COG2: variants seen among roughly 807,000 people sequenced by gnomAD.
COG2 encodes conserved oligomeric Golgi complex subunit 2.
Under a neutral mutation model 90.6 loss-of-function variants are expected in COG2, and 52 were observed. The ratio of observed to expected loss-of-function variants is 0.57; its 90% CI spans 0.46 to 0.72. The LOEUF is 0.72. Ranked by LOEUF, COG2 falls within the 30% of genes least tolerant of loss-of-function variation. COG2 has a pLI of 0.00. For synonymous variants in COG2, 337 were observed against 320.4 expected (o/e 1.05, Z -0.55); for missense variants, 829 against 891.2 (o/e 0.93, Z 0.89).
chr1:230,683,675 T>G (rs1553311528), intron 11 of COG2, 40 bp downstream of exon 11: 1 of 1,367,156 alleles, frequency 7.3e-7, no homozygotes, highest in Non-Finnish European at 1.0e-6. Flanking sequence ...GTATCCTAAA[T>G]GAGTTCATTC....
intron 1 of COG2, among the ~76,000 whole-genome samples, chr1:230,643,626 ATT>A (rs1661684046): frequency 6.6e-6 from 1 of 151,848 alleles, no homozygotes; most frequent in African/African-American, 2.4e-5. Context: ...TTTTGATAAT[ATT>A]TGCATTCAGA....
At chr1:230,686,677 G>A (rs761301398) in intron 12 of COG2, among the ~76,000 whole-genome samples, 1 of 151,932 alleles carries the variant, frequency 6.6e-6, no homozygotes, top group Non-Finnish European at 1.5e-5. Context: ...TATTTTTCAC[G>A]TTATTTTTAT....
At chr1:230,654,229 A>G (rs2102745370) in intron 1 of COG2, among the ~76,000 whole-genome samples, 1 of 152,320 alleles carries the variant, frequency 6.6e-6, no homozygotes, top group Non-Finnish European at 1.5e-5. Flanking sequence ...GTTTTCTTAT[A>G]GGATTTTTAT....
chr1:230,653,624 A>G (rs1356359332), intron 1 of COG2, among the ~76,000 whole-genome samples: 1 of 152,172 alleles, frequency 6.6e-6, no homozygotes, highest in East Asian at 1.9e-4. Context: ...AAAACACTCC[A>G]TATTAGTGGG....
intron 1 of COG2, among the ~76,000 whole-genome samples, chr1:230,646,303 G>A (rs1661775119): frequency 6.6e-6 from 1 of 152,106 alleles, no homozygotes; most frequent in African/African-American, 2.4e-5. Context: ...TAACTAGATG[G>A]AAGTCGATCC....
intron 10 of COG2, chr1:230,683,179 C>G (rs1662796515): frequency 6.2e-6 from 1 of 160,646 alleles, no homozygotes; most frequent in Non-Finnish European, 1.4e-5. Context: ...GGACGTTTAC[C>G]TTCCTGTGAT....
At chr1:230,685,611 A>T (rs1347089678) in intron 12 of COG2, among the ~76,000 whole-genome samples, 1 of 152,230 alleles carries the variant, frequency 6.6e-6, no homozygotes, top group Non-Finnish European at 1.5e-5. Flanking sequence ...TTTAATACTT[A>T]ATATTTGGAA....
chr1:230,679,576 T>A (rs1220150125), intron 10 of COG2: 1 of 152,374 alleles, frequency 6.6e-6, no homozygotes, highest in Non-Finnish European at 1.5e-5. Flanking sequence ...ATCGTCTTTG[T>A]GACATTTGTA....
At chr1:230,644,311 G>T (rs1164292748) in intron 1 of COG2, among the ~76,000 whole-genome samples, 2 of 152,160 alleles carry the variant, frequency 1.3e-5, no homozygotes, top group East Asian at 1.9e-4. Flanking sequence ...AAATTTTGTT[G>T]ATTTTTTAGG....
At chr1:230,672,513 C>A (rs1558274744) in intron 8 of COG2, among the ~76,000 whole-genome samples, 1 of 152,090 alleles carries the variant, frequency 6.6e-6, no homozygotes, top group African/African-American at 2.4e-5. Flanking sequence ...CATGAAGCTC[C>A]AGCTCAGATA....
chr1:230,660,508 G>A (rs1318115421), intron 2 of COG2, among the ~76,000 whole-genome samples: 1 of 152,048 alleles, frequency 6.6e-6, no homozygotes, highest in Non-Finnish European at 1.5e-5. Context: ...TTGTGCCTAA[G>A]GAGGCTTTTA....
chr1:230,647,379 T>C (rs1439603853), intron 1 of COG2, among the ~76,000 whole-genome samples: 1 of 152,164 alleles, frequency 6.6e-6, no homozygotes, highest in Non-Finnish European at 1.5e-5. Context: ...ATAGGGAATA[T>C]TGAAACAGGA....
chr1:230,680,983 G>A (rs1662731089), intron 10 of COG2: 1 of 152,092 alleles, frequency 6.6e-6, no homozygotes. Context: ...ATAGTTTTCT[G>A]CTCCTGGATC....
chr1:230,683,267 T>C (rs1662798340), intron 10 of COG2: 1 of 298,640 alleles, frequency 3.3e-6, no homozygotes, highest in South Asian at 4.0e-5. Flanking sequence ...CAGGTGCTGC[T>C]CACCAGCAAC....
chr1:230,683,445 C>T, intron 10 of COG2, 129 bp from the exon 11 acceptor site: 1 of 546,488 alleles, frequency 1.8e-6, no homozygotes, highest in South Asian at 2.3e-5. Context: ...GGAGAATAGG[C>T]ATTCCGAGGC....
chr1:230,691,309 C>A (rs2102776898), intron 16 of COG2, 75 bp from the exon 17 acceptor site: 1 of 1,319,928 alleles, frequency 7.6e-7, no homozygotes, highest in Non-Finnish European at 1.0e-6. Context: ...TTTTTTTGGT[C>A]CACAAAGCCA....
intron 1 of COG2, among the ~76,000 whole-genome samples, chr1:230,657,497 C>T (rs751799042): frequency 6.6e-6 from 1 of 152,154 alleles, no homozygotes; most frequent in Non-Finnish European, 1.5e-5. Flanking sequence ...CTGCCTTTAA[C>T]ATTTTTTCCT....
chr1:230,673,053 TG>T (rs1662492672), intron 8 of COG2, among the ~76,000 whole-genome samples: 1 of 152,196 alleles, frequency 6.6e-6, no homozygotes, highest in Admixed American at 6.5e-5. Context: ...TTGCTACTTT[TG>T]TTTAGTAATC....
chr1:230,677,775 G>A (rs948262343), intron 9 of COG2, among the ~76,000 whole-genome samples: 3 of 152,222 alleles, frequency 2.0e-5, no homozygotes, highest in African/African-American at 7.2e-5. Flanking sequence ...TGTGAGTATA[G>A]TTTCCAGCAG....
Sources: allele counts gnomAD v4.1 joint callset (sites outside exome capture counted in the v4.1 genomes callset), GRCh38; gene constraint gnomAD v4.1.1; transcripts MANE v1.5; gene names NCBI Gene and HGNC (gene_info 2026-07-23, HGNC 2026-07-21).